The following TMEM178B variants were observed in gnomAD, a reference collection of about 807,000 sequenced individuals.
TMEM178B encodes the protein transmembrane protein 178B.
Under a neutral mutation model 31.0 loss-of-function variants are expected in TMEM178B, and 5 were observed. The observed-to-expected ratio is 0.16, with a 90% CI of 0.08 to 0.34. The LOEUF is 0.34. Ranked by LOEUF, TMEM178B falls within the 10% of genes least tolerant of loss-of-function variation. The pLI is 1.00. For synonymous variants in TMEM178B, 164 were observed against 164.0 expected, an observed-to-expected ratio of 1.00 and a Z score of 0.00; for missense variants, 275 against 400.3, an observed-to-expected ratio of 0.69 and a Z score of 2.67.
chr7:141,260,421 G>T (rs879708498), intron 2 of TMEM178B, among the ~76,000 whole-genome samples: 29 of 148,484 alleles, frequency 2.0e-4, no homozygotes, highest in Non-Finnish European at 3.6e-4. Context: ...ATTTTTTTTT[G>T]ACCATTTTTT....
At chr7:141,346,182 C>T (rs1355804319) in intron 2 of TMEM178B, among the ~76,000 whole-genome samples, 1 of 152,008 alleles carries the variant, frequency 6.6e-6, no homozygotes, top group African/African-American at 2.4e-5. Context: ...GATCATGCCA[C>T]TGCCCTCCAG....
intron 2 of TMEM178B, among the ~76,000 whole-genome samples, chr7:141,263,142 G>A (rs1586857519): frequency 6.6e-6 from 1 of 152,272 alleles, no homozygotes; most frequent in East Asian, 1.9e-4. Context: ...TCTAAGCGGA[G>A]GGGCCCAGCA....
intron 1 of TMEM178B, among the ~76,000 whole-genome samples, chr7:141,107,302 G>A (rs1018833451): frequency 2.0e-5 from 3 of 152,164 alleles, no homozygotes; most frequent in Admixed American, 6.5e-5. Flanking sequence ...ATTTTGAGCA[G>A]ACCAGTGATA....
the TMEM178B span, among the ~76,000 whole-genome samples, chr7:141,503,377 T>G: frequency 6.6e-6 from 1 of 152,238 alleles, no homozygotes; most frequent in Admixed American, 6.5e-5. Flanking sequence ...CCAAGCCATT[T>G]GGTGCCAAAG....
the TMEM178B span, among the ~76,000 whole-genome samples, chr7:141,503,749 TA>T: frequency 6.6e-6 from 1 of 152,236 alleles, no homozygotes; most frequent in Non-Finnish European, 1.5e-5. Context: ...TGTGTGATTA[TA>T]GCTATATATT....
At chr7:141,449,534 C>T (rs908871482) in intron 3 of TMEM178B, among the ~76,000 whole-genome samples, 3 of 152,144 alleles carry the variant, frequency 2.0e-5, no homozygotes, top group Admixed American at 6.5e-5. Context: ...AGGATGGAAT[C>T]GAAGCCACCG....
intron 2 of TMEM178B, among the ~76,000 whole-genome samples, chr7:141,387,783 C>T (rs1800460453): frequency 6.6e-6 from 1 of 152,196 alleles, no homozygotes; most frequent in African/African-American, 2.4e-5. Context: ...ACATGTCTCA[C>T]CCACAACTGT....
At chr7:141,129,253 C>T (rs1795555980) in intron 1 of TMEM178B, among the ~76,000 whole-genome samples, 1 of 152,136 alleles carries the variant, frequency 6.6e-6, no homozygotes, top group African/African-American at 2.4e-5. Flanking sequence ...TAGAGGAGGT[C>T]CAGCATTCTC....
At position 141,089,453 on chromosome 7, in the gene TMEM178B, G is replaced by A. The variant is rs188760797; in HGVS notation, c.382+14761G>A. ...TAACCATTGTGGAAGACAGTGTGGC[G>A]ATTCCTCATGGATCTAGAACTAGAA... On this transcript the variant is annotated intron_variant, in intron 1 of 3. Coordinates refer to ENST00000565468, the MANE Select transcript of TMEM178B (RefSeq NM_001195278.2). 3.3e-3 allele frequency among the ~76,000 whole-genome samples: 501 copies of A among 152,330 alleles called. 4 individuals carry two copies. Among genetic ancestry groups the A allele is most frequent in the Middle Eastern group, 3.4e-3 (1 of 294 alleles).
At chr7:141,498,982 T>C in the TMEM178B span, among the ~76,000 whole-genome samples, 17 of 152,304 alleles carry the variant, frequency 1.1e-4, no homozygotes, top group Admixed American at 3.3e-4. Flanking sequence ...AAATTAGACT[T>C]ACTTAAAAAG....
chr7:141,188,727 T>C (rs1159666783), intron 1 of TMEM178B, among the ~76,000 whole-genome samples: 1 of 152,236 alleles, frequency 6.6e-6, no homozygotes, highest in Non-Finnish European at 1.5e-5. Context: ...AGCTGATTGC[T>C]CTGTGCTGGT....
Position 141,344,949 on chromosome 7 carries a change from T to C in TMEM178B, c.497-92659T>C, listed in dbSNP as rs545725683. 4.6e-4 allele frequency among the ~76,000 whole-genome samples: 70 copies of C among 152,234 alleles called. No homozygotes were observed. The highest frequency in any genetic ancestry group is 9.3e-4 in the Non-Finnish European group (63 of 68,038). ...TCTCTGATGCTACCCATTATTTAAT[T>C]ACTAAGCATGAGTTAATAGCTAACA... On this transcript the variant is annotated intron_variant, in intron 2 of 3. Transcript: ENST00000565468. The surrounding 1 kb of genome is among the most constrained non-coding windows in gnomAD (Gnocchi z 4.1).
At chr7:141,352,345 C>T in intron 2 of TMEM178B, 1 of 152,268 alleles carries the variant, frequency 6.6e-6, no homozygotes, top group Non-Finnish European at 1.5e-5. Context: ...CCAAGGCATG[C>T]CAGGACCGCT....
intron 2 of TMEM178B, among the ~76,000 whole-genome samples, chr7:141,261,076 T>C (rs1030735870): frequency 5.9e-5 from 9 of 152,230 alleles, no homozygotes; most frequent in African/African-American, 1.9e-4. Flanking sequence ...GAATTCTCAA[T>C]GCAGTATATT....
At chr7:141,451,258 A>G (rs925715728) in intron 3 of TMEM178B, among the ~76,000 whole-genome samples, 1 of 152,248 alleles carries the variant, frequency 6.6e-6, no homozygotes, top group Non-Finnish European at 1.5e-5. Context: ...CACCACCTGT[A>G]AAATCATACC....
intron 2 of TMEM178B, among the ~76,000 whole-genome samples, chr7:141,423,309 G>A (rs778688729): frequency 4.6e-5 from 7 of 152,208 alleles, no homozygotes; most frequent in Non-Finnish European, 8.8e-5. Flanking sequence ...GATTACAGGC[G>A]TGAGCCACCA....
chr7:141,188,832 G>A (rs1796652846), intron 1 of TMEM178B, among the ~76,000 whole-genome samples: 1 of 152,216 alleles, frequency 6.6e-6, no homozygotes, highest in Non-Finnish European at 1.5e-5. Flanking sequence ...AGATAAGCCT[G>A]GAGAGAATCA....
At chr7:141,334,056 T>C (rs1006604529) in intron 2 of TMEM178B, among the ~76,000 whole-genome samples, 1 of 152,140 alleles carries the variant, frequency 6.6e-6, no homozygotes, top group Non-Finnish European at 1.5e-5. Flanking sequence ...AAGCCAAACC[T>C]AGGGGGAAGA....
chr7:141,216,389 A>G (rs1386716426), intron 2 of TMEM178B, among the ~76,000 whole-genome samples: 1 of 151,622 alleles, frequency 6.6e-6, no homozygotes, highest in Admixed American at 6.6e-5. Context: ...AGAAAGAATA[A>G]ACTCCATAGG....
Sources: allele counts gnomAD v4.1 joint callset (sites outside exome capture counted in the v4.1 genomes callset), GRCh38; gene constraint gnomAD v4.1.1; non-coding constraint Gnocchi (gnomAD v3.1); transcripts MANE v1.5; gene names NCBI Gene and HGNC (gene_info 2026-07-23, HGNC 2026-07-21).